The following GRM5 variants were observed in gnomAD, a reference collection of about 807,000 sequenced individuals.
GRM5 encodes metabotropic glutamate receptor 5.
GRM5 carries 19 observed loss-of-function variants against 83.1 expected under a neutral mutation model. The observed-to-expected ratio is 0.23, with a 90% CI of 0.16 to 0.34. The LOEUF is 0.34. GRM5 is among the 10% of genes least tolerant of loss of function. The pLI is 1.00. For missense variants in GRM5, 1,160 were observed against 1,588.3 expected (o/e 0.73, Z 4.58); for synonymous variants, 675 against 633.6 (o/e 1.07, Z -0.98).
chr11:88,953,547 A>T (rs1938525002), intron 2 of GRM5, among the ~76,000 whole-genome samples: 1 of 152,224 alleles, frequency 6.6e-6, no homozygotes, highest in Admixed American at 6.5e-5. Context: ...GACCTCTTCT[A>T]AACTATAAAA....
intron 2 of GRM5, among the ~76,000 whole-genome samples, chr11:88,911,117 G>A (rs570555757): frequency 3.3e-5 from 5 of 152,090 alleles, no homozygotes; most frequent in South Asian, 2.1e-4. Flanking sequence ...TGCAAGTCAC[G>A]TGTTCCCAAA....
At chr11:88,998,107 TAAAG>T (rs1200569506) in intron 2 of GRM5, among the ~76,000 whole-genome samples, 1 of 140,898 alleles carries the variant, frequency 7.1e-6, no homozygotes, top group African/African-American at 2.7e-5. Flanking sequence ...AAGCGAGCAG[TAAAG>T]AAGGAAGGAA....
intron 4 of GRM5, among the ~76,000 whole-genome samples, chr11:88,606,941 GT>G (rs36065663): frequency 0.086 from 10,965 of 128,140 alleles, 847 homozygotes; most frequent in African/African-American, 0.21. Context: ...TAAGAAAGGT[GT>G]TTTTTTTTTT....
At chr11:88,699,530 A>G (rs576246558) in intron 3 of GRM5, among the ~76,000 whole-genome samples, 2 of 152,258 alleles carry the variant, frequency 1.3e-5, no homozygotes, top group South Asian at 2.1e-4. Context: ...CATCATCTTC[A>G]TCTAAGAGCA....
At chr11:88,726,562 A>C (rs1941685888) in intron 3 of GRM5, among the ~76,000 whole-genome samples, 1 of 152,192 alleles carries the variant, frequency 6.6e-6, no homozygotes, top group Non-Finnish European at 1.5e-5. Flanking sequence ...AATCCTCAGG[A>C]AGAGCAATCC....
chr11:88,794,479 G>GT (rs1449334234), intron 3 of GRM5, among the ~76,000 whole-genome samples: 3 of 152,164 alleles, frequency 2.0e-5, no homozygotes, highest in Non-Finnish European at 4.4e-5. Flanking sequence ...AATAAATTAT[G>GT]TGTTTTTATT....
intron 8 of GRM5, among the ~76,000 whole-genome samples, chr11:88,536,682 A>G (rs1208134016): frequency 6.6e-6 from 1 of 152,164 alleles, no homozygotes; most frequent in Non-Finnish European, 1.5e-5. Flanking sequence ...ATCTACCTCT[A>G]GATGATATCT....
intron 7 of GRM5, among the ~76,000 whole-genome samples, chr11:88,583,115 CA>C (rs1212796713): frequency 0.016 from 2,282 of 139,978 alleles, 47 homozygotes; most frequent in African/African-American, 0.048. Context: ...TATTAAAAGG[CA>C]AAAAAAAAAA....
chr11:89,010,052 T>C (rs1200577015), intron 2 of GRM5, among the ~76,000 whole-genome samples: 1 of 149,164 alleles, frequency 6.7e-6, no homozygotes, highest in Non-Finnish European at 1.5e-5. Flanking sequence ...ATATATTATA[T>C]GTATACATGT....
intron 2 of GRM5, among the ~76,000 whole-genome samples, chr11:89,005,527 G>A (rs967293715): frequency 1.3e-5 from 2 of 152,160 alleles, no homozygotes; most frequent in Non-Finnish European, 2.9e-5. Flanking sequence ...AATCTACATC[G>A]AATATCTCTG....
rs568207250 is a variant in GRM5, at chr11:88,948,643, T to G, written c.662-98488A>C. On this transcript the variant is annotated intron_variant, in intron 2 of 9. Transcript: ENST00000305447. ...TACATGGAGATCATTCCTGTTTTCC[T>G]GTATTCTGTCCAGCTAACATGCACA... Among the ~76,000 whole-genome samples, 5 of 152,332 alleles carry G rather than the reference T, an allele frequency of 3.3e-5. 1 individual carries two copies. In the South Asian group the frequency reaches 1.0e-3, roughly 32 times the overall value.
At chr11:88,704,935 C>T (rs989999166) in intron 3 of GRM5, among the ~76,000 whole-genome samples, 4 of 151,968 alleles carry the variant, frequency 2.6e-5, no homozygotes, top group African/African-American at 9.7e-5. Context: ...CATAAACTCT[C>T]CCTCTACCTC....
At chr11:88,797,147 T>C (rs949102677) in intron 3 of GRM5, among the ~76,000 whole-genome samples, 7 of 152,016 alleles carry the variant, frequency 4.6e-5, no homozygotes, top group Non-Finnish European at 7.4e-5. Flanking sequence ...GTTTGTTTTG[T>C]TTTTTGTTTT....
intron 3 of GRM5, among the ~76,000 whole-genome samples, chr11:88,678,247 T>C (rs1940387276): frequency 6.6e-6 from 1 of 152,024 alleles, no homozygotes; most frequent in East Asian, 1.9e-4. Flanking sequence ...TTTGTAATGA[T>C]GGGGTCTTTC....
intron 9 of GRM5, among the ~76,000 whole-genome samples, chr11:88,514,782 A>G (rs1941476976): frequency 6.6e-6 from 1 of 152,200 alleles, no homozygotes; most frequent in South Asian, 2.1e-4. Flanking sequence ...AGTGGATATT[A>G]ACGAGGCCTT....
chr11:88,723,403 T>C (rs1941593971), intron 3 of GRM5, among the ~76,000 whole-genome samples: 1 of 152,156 alleles, frequency 6.6e-6, no homozygotes, highest in Admixed American at 6.6e-5. Flanking sequence ...CAAAGGGGCA[T>C]GATTGCTTGA....
intron 8 of GRM5, among the ~76,000 whole-genome samples, chr11:88,545,900 G>T (rs748394730): frequency 2.6e-5 from 4 of 151,936 alleles, no homozygotes; most frequent in African/African-American, 7.2e-5. Flanking sequence ...TATATATTTT[G>T]TATATTGTCT....
intron 3 of GRM5, among the ~76,000 whole-genome samples, chr11:88,779,263 A>G (rs570301121): frequency 6.6e-6 from 1 of 152,334 alleles, no homozygotes; most frequent in Non-Finnish European, 1.5e-5. Context: ...AGGATTATTT[A>G]GCCTTTCACA....
chr11:88,979,238 G>A (rs1040432910), intron 2 of GRM5, among the ~76,000 whole-genome samples: 5 of 152,154 alleles, frequency 3.3e-5, no homozygotes, highest in African/African-American at 1.2e-4. Context: ...TAAAACAACA[G>A]TAGCCTCTCA....
Sources: allele counts gnomAD v4.1 joint callset (sites outside exome capture counted in the v4.1 genomes callset), GRCh38; gene constraint gnomAD v4.1.1; transcripts MANE v1.5; gene names NCBI Gene and HGNC (gene_info 2026-07-23, HGNC 2026-07-21).